KATNIP: variants seen among roughly 807,000 people sequenced by gnomAD.
KATNIP encodes the protein katanin interacting protein, also known as katanin-interacting protein.
Under a neutral mutation model 174.0 loss-of-function variants are expected in KATNIP, and 126 were observed. That is an observed-to-expected ratio of 0.72 (90% CI 0.63 to 0.84). The LOEUF is 0.84. Among genes scored for constraint, KATNIP ranks in the 40% least tolerant of loss-of-function variants. The pLI is 0.00. For missense variants in KATNIP, 1,958 were observed against 2,109.7 expected (o/e 0.93, Z 1.41); for synonymous variants, 810 against 835.7 (o/e 0.97, Z 0.53).
intron 2 of KATNIP, among the ~76,000 whole-genome samples, chr16:27,596,434 T>C (rs985035111): frequency 6.6e-6 from 1 of 152,104 alleles, no homozygotes; most frequent in Non-Finnish European, 1.5e-5. Context: ...GGAATTCAGC[T>C]TAAAACCTAG....
Position 27,628,780 on chromosome 16 carries a change from C to T in KATNIP, c.260C>T (p.Ala87Val). The T allele has an allele frequency of 6.2e-7, 1 of 1,614,180 alleles. No individual in the cohort carries two copies. The highest frequency in any genetic ancestry group is 1.1e-5 in the South Asian group (1 of 91,084). Residue 87 changes from alanine to valine, a missense_variant, in exon 4 of 28, where the codon GCT becomes GTT. This residue lies in a region of KATNIP where 1,557 missense variants were observed against 1,617.8 expected (regional missense o/e 0.96). Coordinates refer to ENST00000261588, the MANE Select transcript of KATNIP (RefSeq NM_015202.5). ...NSELKSSPRKAIHSDFSRSAS... is the reference protein window; with the variant it reads ...NSELKSSPRKVIHSDFSRSAS... Reference sequence around the variant, plus strand: ...GAGCTGAAATCATCACCGCGGAAAGCTATTCACTCTGACTTCTCCAGAAGT... The same window carrying T: ...GAGCTGAAATCATCACCGCGGAAAGTTATTCACTCTGACTTCTCCAGAAGT...
At chr16:27,555,738 A>C (rs1449732680) in intron 1 of KATNIP, among the ~76,000 whole-genome samples, 3 of 152,012 alleles carry the variant, frequency 2.0e-5, no homozygotes, top group Admixed American at 2.0e-4. Flanking sequence ...TGGGGGGCTG[A>C]GGCAGGAGAA....
rs750003655 is a variant in KATNIP, at chr16:27,777,724, A to G, written c.4666A>G (p.Thr1556Ala). 8 of 1,613,922 alleles carry G rather than the reference A, an allele frequency of 5.0e-6. No individual in the cohort carries two copies. Among genetic ancestry groups the G allele is most frequent in the Non-Finnish European group, 6.8e-6 (8 of 1,179,962 alleles). Reference protein sequence around the residue: ...PTVPYHTILFTEDRDIRHQEK... With the variant: ...PTVPYHTILFAEDRDIRHQEK... ...CGTGCCCTACCACACCATCCTCTTC[A>G]CCGAGGACAGGGACATCCGCCACCA... Residue 1556 changes from threonine to alanine, a missense_variant, in exon 26 of 28, where the codon ACC becomes GCC. By Grantham distance (58) the Thr-to-Ala change is moderately conservative. Coordinates refer to ENST00000261588, the MANE Select transcript of KATNIP (RefSeq NM_015202.5). The surrounding 1 kb of genome is among the most constrained non-coding windows in gnomAD (Gnocchi z 4.4).
chr16:27,713,846 A>C (rs1363242428), intron 13 of KATNIP, among the ~76,000 whole-genome samples: 48 of 73,178 alleles, frequency 6.6e-4, no homozygotes, highest in African/African-American at 2.3e-3. Flanking sequence ...ATATATATAT[A>C]TATATATATA....
intron 7 of KATNIP, among the ~76,000 whole-genome samples, chr16:27,680,052 C>T (rs982368654): frequency 1.3e-5 from 2 of 152,140 alleles, no homozygotes; most frequent in Non-Finnish European, 2.9e-5. Flanking sequence ...AGCCCTCCCC[C>T]GTGCTCCCAT....
intron 4 of KATNIP, among the ~76,000 whole-genome samples, chr16:27,629,996 G>A (rs1287023923): frequency 1.3e-5 from 2 of 152,174 alleles, no homozygotes; most frequent in African/African-American, 2.4e-5. Context: ...CTGGGTGACA[G>A]AGCAAGACCC....
chr16:27,745,035 G>C (rs376653208), intron 15 of KATNIP, among the ~76,000 whole-genome samples: 2 of 152,344 alleles, frequency 1.3e-5, no homozygotes, highest in East Asian at 3.9e-4. Flanking sequence ...TAAAAAAAGA[G>C]AGCAAGAGAG....
At chr16:27,730,137 A>G (rs1036817673) in intron 14 of KATNIP, among the ~76,000 whole-genome samples, 1 of 152,260 alleles carries the variant, frequency 6.6e-6, no homozygotes, top group African/African-American at 2.4e-5. Context: ...GGGAGCAGCC[A>G]TGACTCACAG....
intron 5 of KATNIP, 90 bp downstream of exon 5, chr16:27,631,252 C>T (rs752266969): frequency 1.9e-6 from 2 of 1,036,850 alleles, no homozygotes; most frequent in Non-Finnish European, 2.9e-6. Context: ...TTTAAAACCC[C>T]CATGGGCCAG....
chr16:27,551,198 T>TGG (rs2089346940), intron 1 of KATNIP, among the ~76,000 whole-genome samples: 1 of 152,196 alleles, frequency 6.6e-6, no homozygotes, highest in Non-Finnish European at 1.5e-5. Context: ...CTAGAGAGAC[T>TGG]GGTAGGGTCT....
At chr16:27,603,988 C>T (rs1380524117) in intron 2 of KATNIP, among the ~76,000 whole-genome samples, 1 of 152,136 alleles carries the variant, frequency 6.6e-6, no homozygotes, top group East Asian at 1.9e-4. Flanking sequence ...CCACCTGCCT[C>T]GGCCTTCCAA....
In KATNIP at chr16:27,566,269, T is replaced by C. The variant is rs4787970; in HGVS notation, c.8-7632T>C. On this transcript the variant is annotated intron_variant, in intron 1 of 27. Coordinates refer to ENST00000261588, the MANE Select transcript of KATNIP (RefSeq NM_015202.5). ...GGTTCAGGAAGCCGGCCAGGCGTGG[T>C]AGCTCACTCCTGTAATCCCAGCACT... 4.7e-3 allele frequency among the ~76,000 whole-genome samples: 714 copies of C among 152,272 alleles called. 28 individuals carry two copies. The highest frequency in any genetic ancestry group is 0.043 in the Admixed American group (657 of 15,294).
chr16:27,617,181 A>G (rs1216052996), intron 2 of KATNIP, among the ~76,000 whole-genome samples: 1 of 152,192 alleles, frequency 6.6e-6, no homozygotes, highest in Non-Finnish European at 1.5e-5. Context: ...CAAATGACAG[A>G]AACTCAGCTG....
At chr16:27,559,018 A>G (rs1218511268) in intron 1 of KATNIP, among the ~76,000 whole-genome samples, 7 of 152,186 alleles carry the variant, frequency 4.6e-5, no homozygotes, top group African/African-American at 1.7e-4. Context: ...ATGGAATAAT[A>G]TACATTTTGA....
intron 2 of KATNIP, among the ~76,000 whole-genome samples, chr16:27,613,104 CAAAAAAA>C (rs1259695595): frequency 6.6e-6 from 1 of 151,162 alleles, no homozygotes; most frequent in Non-Finnish European, 1.5e-5. Flanking sequence ...ACAAAAAATA[CAAAAAAA>C]GAAAAAAGAA....
At chr16:27,765,739 C>G (rs1166683192) in intron 19 of KATNIP, among the ~76,000 whole-genome samples, 2 of 152,240 alleles carry the variant, frequency 1.3e-5, no homozygotes, top group African/African-American at 2.4e-5. Flanking sequence ...TTTGCACACT[C>G]TCTCCTGGTC....
chr16:27,767,165 A>T (rs1264570001), intron 20 of KATNIP, among the ~76,000 whole-genome samples: 1 of 151,844 alleles, frequency 6.6e-6, no homozygotes, highest in Admixed American at 6.6e-5. Flanking sequence ...GTAGCAATTC[A>T]GCTAGGGCCC....
intron 1 of KATNIP, among the ~76,000 whole-genome samples, chr16:27,571,896 T>C (rs1449667570): frequency 6.6e-6 from 1 of 152,210 alleles, no homozygotes; most frequent in African/African-American, 2.4e-5. Context: ...TGGGAGCTGC[T>C]CATTCTAGCT....
At chr16:27,631,823 C>T (rs932230968) in intron 5 of KATNIP, among the ~76,000 whole-genome samples, 2 of 152,194 alleles carry the variant, frequency 1.3e-5, no homozygotes, top group South Asian at 4.1e-4. Context: ...TATGACAAAG[C>T]CCCTGCCCCA....
Sources: allele counts gnomAD v4.1 joint callset (sites outside exome capture counted in the v4.1 genomes callset), GRCh38; gene constraint gnomAD v4.1.1; regional missense constraint gnomAD v4.1.1; non-coding constraint Gnocchi (gnomAD v3.1); transcripts MANE v1.5; gene names NCBI Gene and HGNC (gene_info 2026-07-23, HGNC 2026-07-21).